The following MBP variants were observed in gnomAD, a reference collection of about 807,000 sequenced individuals.
MBP encodes myelin basic protein.
A neutral mutation model predicts 35.8 loss-of-function variants in MBP; 16 were observed. That is an observed-to-expected ratio of 0.45 (90% CI 0.30 to 0.68). MBP has a LOEUF of 0.68. Among genes scored for constraint, MBP ranks in the 30% least tolerant of loss-of-function variants. MBP has a pLI of 0.08. For synonymous variants in MBP, 143 were observed against 159.6 expected (o/e 0.90, Z 0.78); for missense variants, 380 against 404.7 (o/e 0.94, Z 0.52).
intron 4 of MBP, among the ~76,000 whole-genome samples, chr18:77,002,302 G>T (rs1400438990): frequency 6.6e-6 from 1 of 152,238 alleles, no homozygotes; most frequent in African/African-American, 2.4e-5. Flanking sequence ...TGGAGCCTTA[G>T]CAAGCACCTG....
chr18:77,130,046 C>CAAAAAAA (rs35240388), intron 1 of MBP, among the ~76,000 whole-genome samples: 1 of 129,334 alleles, frequency 7.7e-6, no homozygotes, highest in Non-Finnish European at 1.6e-5. Context: ...AAGACTCTGT[C>CAAAAAAA]AAAAAAAAAA....
At chr18:77,085,386 C>T (rs1295047074) in intron 2 of MBP, among the ~76,000 whole-genome samples, 1 of 152,158 alleles carries the variant, frequency 6.6e-6, no homozygotes, top group Admixed American at 6.5e-5. Context: ...TGTAGCTTGG[C>T]CCTGCCAATC....
At chr18:76,986,114 T>C (rs1969546063) in intron 7 of MBP, 2 of 985,438 alleles carry the variant, frequency 2.0e-6, no homozygotes, top group Admixed American at 6.1e-5. Context: ...CCTCCCACGG[T>C]GGGTGCACTG....
intron 1 of MBP, among the ~76,000 whole-genome samples, chr18:77,125,744 CT>C (rs1206681887): frequency 9.9e-5 from 15 of 150,954 alleles, no homozygotes; most frequent in African/African-American, 3.2e-4. Context: ...TGTTTCCCTC[CT>C]TTTTTTTTGT....
intron 2 of MBP, among the ~76,000 whole-genome samples, chr18:77,082,124 T>C (rs1004674600): frequency 6.6e-6 from 1 of 152,016 alleles, no homozygotes; most frequent in African/African-American, 2.4e-5. Flanking sequence ...AGTGCTGGGA[T>C]TACAGGCGTG....
rs968382746 is a variant in MBP, at chr18:77,044,887, A to G, written c.139+21411T>C. On this transcript the variant is annotated intron_variant, in intron 3 of 8. Transcript: ENST00000355994. The surrounding 1 kb of genome is among the most constrained non-coding windows in gnomAD (Gnocchi z 4.4). ...TTGTTGTCTGTTGTATCCTGTGTGT[A>G]AGTGTGTGTGACTGTGTGAGTGTGT... 1.3e-5 allele frequency among the ~76,000 whole-genome samples: 2 copies of G among 150,098 alleles called. No homozygotes were observed. The highest frequency in any genetic ancestry group is 2.9e-5 in the Non-Finnish European group (2 of 67,866).
intron 3 of MBP, among the ~76,000 whole-genome samples, chr18:77,040,275 A>T (rs908941848): frequency 2.0e-5 from 3 of 152,218 alleles, no homozygotes; most frequent in Non-Finnish European, 2.9e-5. Context: ...TCAATGAAAT[A>T]AAAGAGGATA....
intron 3 of MBP, among the ~76,000 whole-genome samples, chr18:77,054,327 G>C (rs902722299): frequency 6.6e-6 from 1 of 152,246 alleles, no homozygotes; most frequent in African/African-American, 2.4e-5. Flanking sequence ...GACATGGAGC[G>C]AAGAGCTCAC....
intron 3 of MBP, 96 bp downstream of exon 3, chr18:77,066,202 C>T (rs1370285633): frequency 1.7e-5 from 14 of 837,632 alleles, no homozygotes; most frequent in Middle Eastern, 2.2e-4. Context: ...CCATGGATCA[C>T]CCATGCAATA....
At chr18:76,986,901 T>G (rs1445898468) in intron 7 of MBP, 2 of 985,334 alleles carry the variant, frequency 2.0e-6, no homozygotes, top group Non-Finnish European at 2.4e-6. Context: ...GAACCTAGAA[T>G]GTACCAGGAA....
Position 77,031,074 on chromosome 18 carries a change from C to CA in MBP, c.140-13807dup, listed in dbSNP as rs541062004. Among the ~76,000 whole-genome samples the CA allele has an allele frequency of 1.4e-3, 194 of 138,956 alleles. 3 individuals carry two copies. In the South Asian group the frequency reaches 0.019, roughly 14 times the overall value. The allele number at this position is 138,956 out of a possible 152,430, so 91.2% of individuals were successfully genotyped here. ...AAGTTATCCAATTCTTCAGCCATTG[C>CA]AAAAAAAAAAAATCCTATTTTCAGA... is the stretch of plus-strand genomic sequence containing the variant. On this transcript the variant is annotated intron_variant, in intron 3 of 8. Transcript: ENST00000355994.
At chr18:76,983,156 C>G (rs1969310115) in intron 8 of MBP, 1 of 152,224 alleles carries the variant, frequency 6.6e-6, no homozygotes, top group Non-Finnish European at 1.5e-5. Flanking sequence ...CTGGGCCCTC[C>G]CATCAACTCT....
intron 1 of MBP, among the ~76,000 whole-genome samples, chr18:77,128,416 A>G (rs563154187): frequency 1.3e-5 from 2 of 152,260 alleles, no homozygotes; most frequent in African/African-American, 2.4e-5. Flanking sequence ...TATAAAGAGT[A>G]GCATCAAGGA....
intron 4 of MBP, chr18:76,990,962 G>T: frequency 3.9e-6 from 1 of 259,338 alleles, no homozygotes; most frequent in Non-Finnish European, 8.0e-6. Context: ...AATTCAAGGG[G>T]GATTCCATCT....
chr18:77,001,273 A>G (rs1263008687), intron 4 of MBP, among the ~76,000 whole-genome samples: 2 of 152,184 alleles, frequency 1.3e-5, no homozygotes, highest in African/African-American at 4.8e-5. Flanking sequence ...CTCGCCTGCC[A>G]TCCCAGGCTG....
chr18:77,081,819 T>TATACACACACACACATATATATAC (rs1555726071), intron 2 of MBP, among the ~76,000 whole-genome samples: 1 of 76,264 alleles, frequency 1.3e-5, no homozygotes, highest in African/African-American at 4.1e-5. Flanking sequence ...CACACATATA[T>TATACACACACACACATATATATAC]ACACACACAC....
chr18:77,119,179 A>G (rs1265814998), intron 1 of MBP, among the ~76,000 whole-genome samples: 1 of 152,128 alleles, frequency 6.6e-6, no homozygotes, highest in Non-Finnish European at 1.5e-5. Flanking sequence ...CAGAACAGGC[A>G]GGGGCTTGGG....
chr18:77,084,021 A>T lies in MBP; in HGVS notation c.52-17636T>A, dbSNP rs537732770. On this transcript the variant is annotated intron_variant, in intron 2 of 8. Transcript: ENST00000355994. ...TCTCAATAAAGCTGTTTTTTTTTTTAAAAAACCCATAAACGCTCAGTTTAT... is the reference window on the plus strand; with the variant it reads ...TCTCAATAAAGCTGTTTTTTTTTTTTAAAAACCCATAAACGCTCAGTTTAT... Among the ~76,000 whole-genome samples the T allele has an allele frequency of 1.8e-3, 256 of 142,518 alleles. 1 individual carries two copies. The highest frequency in any genetic ancestry group is 4.5e-3 in the African/African-American group (170 of 37,402). The allele number at this position is 142,518 out of a possible 152,430, so 93.5% of individuals were successfully genotyped here.
At chr18:77,098,378 G>A (rs1175624419) in intron 2 of MBP, among the ~76,000 whole-genome samples, 1 of 152,122 alleles carries the variant, frequency 6.6e-6, no homozygotes, top group Non-Finnish European at 1.5e-5. Context: ...AGCTGGTGGT[G>A]AAGCCGGAAT....
Sources: gnomAD v4.1 joint callset for allele counts (sites outside exome capture counted in the v4.1 genomes callset) on GRCh38, gnomAD v4.1.1 for gene constraint, Gnocchi (gnomAD v3.1) non-coding constraint, MANE v1.5 for transcripts, NCBI Gene and HGNC (gene_info 2026-07-23, HGNC 2026-07-21) for gene names.